The following SUPT3H variants were observed in gnomAD, a reference collection of about 807,000 sequenced individuals.
SUPT3H encodes SPT3 homolog, SAGA and STAGA complex component.
Under a neutral mutation model 44.3 loss-of-function variants are expected in SUPT3H, and 44 were observed. That is an observed-to-expected ratio of 0.99 (90% CI 0.78 to 1.28). The LOEUF (loss-of-function observed/expected upper bound fraction) is 1.28, where lower values mean the gene tolerates loss of function less well. Ranked by LOEUF, SUPT3H falls within the 50% of genes most tolerant of loss-of-function variation. SUPT3H has a pLI of 0.00. For missense variants in SUPT3H, 380 were observed against 387.1 expected (o/e 0.98, Z 0.15); for synonymous variants, 124 against 125.6 (o/e 0.99, Z 0.09).
chr6:45,092,608 G>A (rs1797273336), intron 3 of SUPT3H, among the ~76,000 whole-genome samples: 1 of 151,972 alleles, frequency 6.6e-6, no homozygotes, highest in Non-Finnish European at 1.5e-5. Context: ...AAACTAGCCA[G>A]GCGTGGTGGC....
At chr6:45,043,297 T>G (rs1412238094) in intron 3 of SUPT3H, among the ~76,000 whole-genome samples, 1 of 152,148 alleles carries the variant, frequency 6.6e-6, no homozygotes, top group Non-Finnish European at 1.5e-5. Context: ...TGCACACAAA[T>G]AGAAATAAAC....
intron 10 of SUPT3H, among the ~76,000 whole-genome samples, chr6:44,876,836 G>GA (rs200454659): frequency 0.045 from 4,105 of 92,110 alleles, 100 homozygotes; most frequent in South Asian, 0.075. Flanking sequence ...ATCTTCAATT[G>GA]AAAAAAAAAA....
At chr6:45,065,658 A>G (rs1295228232) in intron 3 of SUPT3H, among the ~76,000 whole-genome samples, 6 of 151,204 alleles carry the variant, frequency 4.0e-5, no homozygotes, top group African/African-American at 1.2e-4. Context: ...AATACAAACT[A>G]CCATCAGATA....
intron 1 of SUPT3H, among the ~76,000 whole-genome samples, chr6:45,367,797 C>G (rs1269403177): frequency 6.6e-6 from 1 of 152,138 alleles, no homozygotes; most frequent in Admixed American, 6.6e-5. Flanking sequence ...AATCCAGTCA[C>G]CAAACCTAGT....
At chr6:44,846,971 C>T (rs1479046090) in intron 10 of SUPT3H, among the ~76,000 whole-genome samples, 1 of 152,154 alleles carries the variant, frequency 6.6e-6, no homozygotes, top group Admixed American at 6.5e-5. Flanking sequence ...ATTTCCACAT[C>T]AGGGATGGAG....
chr6:44,832,586 A>ATT (rs1769020254), intron 10 of SUPT3H, among the ~76,000 whole-genome samples: 1 of 152,154 alleles, frequency 6.6e-6, no homozygotes, highest in African/African-American at 2.4e-5. Context: ...TCCTTTGTGA[A>ATT]TTTGCTGAAA....
At chr6:45,339,230 A>G (rs1325150853) in intron 2 of SUPT3H, among the ~76,000 whole-genome samples, 1 of 152,144 alleles carries the variant, frequency 6.6e-6, no homozygotes, top group Non-Finnish European at 1.5e-5. Context: ...TTCTTATGTT[A>G]CAGTGGTATC....
intron 2 of SUPT3H, among the ~76,000 whole-genome samples, chr6:45,282,543 T>C (rs1424659360): frequency 6.6e-6 from 1 of 151,934 alleles, no homozygotes; most frequent in East Asian, 1.9e-4. Context: ...AAAAAAAGAA[T>C]AAAAAGAAAC....
In SUPT3H at chr6:45,296,738, C is replaced by CAAAAAAAAAAAAAA. The variant is rs60921436; in HGVS notation, c.101+68449_101+68462dup. Reference sequence around the variant, plus strand: ...TGGCCAACAGAGTAAGACTCTGTCTCAAAAAAAAAAAAAAAAAAAAAAAAA... The same window carrying CAAAAAAAAAAAAAA: ...TGGCCAACAGAGTAAGACTCTGTCTCAAAAAAAAAAAAAAAAAAAAAAAAAAAAAAAAAAAAAAA... On this transcript the variant is annotated intron_variant, in intron 2 of 10. Coordinates refer to ENST00000371459, the MANE Select transcript of SUPT3H (RefSeq NM_003599.4). Among the ~76,000 whole-genome samples, 43 of 29,696 alleles carry CAAAAAAAAAAAAAA rather than the reference C, an allele frequency of 1.4e-3. 3 individuals carry two copies. Among genetic ancestry groups the CAAAAAAAAAAAAAA allele is most frequent in the Non-Finnish European group, 2.2e-3 (33 of 14,832 alleles). 19.5% of individuals were successfully genotyped at this position (29,696 alleles called of 152,430 possible).
At chr6:44,897,475 T>C (rs1235027842) in intron 10 of SUPT3H, among the ~76,000 whole-genome samples, 3 of 152,238 alleles carry the variant, frequency 2.0e-5, no homozygotes, top group Non-Finnish European at 2.9e-5. Flanking sequence ...TTGTGTAATA[T>C]AGCCTAATCT....
chr6:45,263,619 C>T (rs1222099169), intron 2 of SUPT3H, among the ~76,000 whole-genome samples: 1 of 151,954 alleles, frequency 6.6e-6, no homozygotes, highest in African/African-American at 2.4e-5. Context: ...GAACATGCAC[C>T]CCTGAATCTA....
chr6:44,974,818 C>T (rs921123263), intron 6 of SUPT3H, among the ~76,000 whole-genome samples: 3 of 152,136 alleles, frequency 2.0e-5, no homozygotes, highest in African/African-American at 4.8e-5. Context: ...CCTCTCTTCA[C>T]CTCTGATAAA....
At chr6:45,006,664 A>C (rs1481025780) in intron 5 of SUPT3H, among the ~76,000 whole-genome samples, 1 of 152,126 alleles carries the variant, frequency 6.6e-6, no homozygotes, top group Non-Finnish European at 1.5e-5. Flanking sequence ...CAGTATCAAG[A>C]GACCTTCAGA....
chr6:44,929,631 G>T (rs1325131349), intron 10 of SUPT3H, among the ~76,000 whole-genome samples: 1 of 152,124 alleles, frequency 6.6e-6, no homozygotes, highest in Non-Finnish European at 1.5e-5. Flanking sequence ...CTTTTCTCTT[G>T]TTAGGAGCTG....
At chr6:45,047,867 T>C (rs1248268043) in intron 3 of SUPT3H, among the ~76,000 whole-genome samples, 6 of 152,174 alleles carry the variant, frequency 3.9e-5, no homozygotes, top group African/African-American at 7.2e-5. Context: ...ATTTTTCATA[T>C]ATGTGTTGGC....
chr6:45,074,622 A>C (rs1583404829), intron 3 of SUPT3H, among the ~76,000 whole-genome samples: 1 of 152,204 alleles, frequency 6.6e-6, no homozygotes, highest in African/African-American at 2.4e-5. Context: ...ATGACATCCA[A>C]GAACAGACAC....
At chr6:44,988,500 T>G (rs1172304160) in intron 6 of SUPT3H, among the ~76,000 whole-genome samples, 1 of 117,940 alleles carries the variant, frequency 8.5e-6, no homozygotes, top group Admixed American at 1.0e-4. Flanking sequence ...AATTACAGAC[T>G]ATGTATGAAA....
intron 3 of SUPT3H, among the ~76,000 whole-genome samples, chr6:45,062,726 C>A (rs1033723156): frequency 6.6e-6 from 1 of 152,116 alleles, no homozygotes; most frequent in African/African-American, 2.4e-5. Context: ...TCGGGTCACT[C>A]CCACCCGAAT....
chr6:45,344,535 G>A (rs912503327), intron 2 of SUPT3H, among the ~76,000 whole-genome samples: 10 of 151,820 alleles, frequency 6.6e-5, no homozygotes, highest in Non-Finnish European at 1.3e-4. Flanking sequence ...GTCTAGAACA[G>A]TAACATTATC....
Sources: allele counts gnomAD v4.1 joint callset (sites outside exome capture counted in the v4.1 genomes callset), GRCh38; gene constraint gnomAD v4.1.1; transcripts MANE v1.5; gene names NCBI Gene and HGNC (gene_info 2026-07-23, HGNC 2026-07-21).